RHOU: variants seen among roughly 807,000 people sequenced by gnomAD.
RHOU encodes ras homolog family member U.
A neutral mutation model predicts 12.6 loss-of-function variants in RHOU; 8 were observed. That is an observed-to-expected ratio of 0.64 (90% confidence interval 0.37 to 1.15). The LOEUF is 1.15. RHOU is among the 50% of genes most tolerant of loss of function. The pLI is 0.01. For missense variants in RHOU, 258 were observed against 347.0 expected (o/e 0.74, Z 2.04); for synonymous variants, 161 against 147.4 (o/e 1.09, Z -0.67).
the RHOU span, among the ~76,000 whole-genome samples, chr1:228,717,656 C>T: frequency 6.6e-6 from 1 of 152,208 alleles, no homozygotes; most frequent in Non-Finnish European, 1.5e-5. Context: ...TGCTCTCTGA[C>T]ATCTTGATGT....
the RHOU span, among the ~76,000 whole-genome samples, chr1:228,718,122 C>G: frequency 1.4e-3 from 212 of 152,218 alleles, 2 homozygotes; most frequent in African/African-American, 4.8e-3. Context: ...ATAATGAGAA[C>G]CTGGGGAGGT....
the RHOU span, among the ~76,000 whole-genome samples, chr1:228,664,092 C>T: frequency 6.6e-6 from 1 of 150,792 alleles, no homozygotes; most frequent in African/African-American, 2.4e-5. Context: ...TATCACGGCT[C>T]ACTGCAGTCT....
At chr1:228,689,688 G>A in the RHOU span, among the ~76,000 whole-genome samples, 1 of 151,934 alleles carries the variant, frequency 6.6e-6, no homozygotes, top group East Asian at 1.9e-4. Flanking sequence ...AGTCTCACAG[G>A]AGCTCAAACC....
chr1:228,650,862 G>A, the RHOU span: 19 of 398,414 alleles, frequency 4.8e-5, no homozygotes, highest in Admixed American at 6.4e-4. Context: ...GTCCCCTTGT[G>A]GACCTGGCTG....
chr1:228,655,919 A>G, the RHOU span, among the ~76,000 whole-genome samples: 1 of 152,224 alleles, frequency 6.6e-6, no homozygotes, highest in African/African-American at 2.4e-5. Context: ...CTCTGCAAAA[A>G]CTACAAACTT....
At chr1:228,679,682 A>C in the RHOU span, among the ~76,000 whole-genome samples, 1 of 152,042 alleles carries the variant, frequency 6.6e-6, no homozygotes, top group Non-Finnish European at 1.5e-5. Context: ...ATAAGTGATA[A>C]CAGGCTTTAA....
chr1:228,658,475 C>T, the RHOU span, among the ~76,000 whole-genome samples: 1 of 152,090 alleles, frequency 6.6e-6, no homozygotes, highest in Non-Finnish European at 1.5e-5. Context: ...AACGTTGTGA[C>T]ATCTTGGAAG....
upstream of RHOU, among the ~76,000 whole-genome samples, chr1:228,733,045 G>C (rs542395241): frequency 6.6e-6 from 1 of 152,228 alleles, no homozygotes; most frequent in East Asian, 1.9e-4. Flanking sequence ...CTTCAGTTTT[G>C]TAAGATATTT....
At chr1:228,667,592 C>A in the RHOU span, among the ~76,000 whole-genome samples, 1 of 152,156 alleles carries the variant, frequency 6.6e-6, no homozygotes, top group Non-Finnish European at 1.5e-5. Flanking sequence ...CTCTCTCTGG[C>A]CTGTATCTCC....
At chr1:228,674,722 CT>C in the RHOU span, among the ~76,000 whole-genome samples, 4,938 of 151,172 alleles carry the variant, frequency 0.033, 219 homozygotes, top group African/African-American at 0.1. Flanking sequence ...ATATTATATT[CT>C]TTTTTTTAAA....
upstream of RHOU, among the ~76,000 whole-genome samples, chr1:228,730,593 C>G (rs113428851): frequency 6.6e-6 from 1 of 152,194 alleles, no homozygotes; most frequent in Non-Finnish European, 1.5e-5. Context: ...GAAGGAAATT[C>G]TGGGAGCAGA....
At chr1:228,690,838 G>A in the RHOU span, among the ~76,000 whole-genome samples, 4 of 151,662 alleles carry the variant, frequency 2.6e-5, no homozygotes, top group African/African-American at 7.3e-5. Context: ...GGCTGGTCTC[G>A]AACTCTTGAC....
the RHOU span, chr1:228,650,084 A>C: frequency 4.9e-6 from 2 of 411,536 alleles, no homozygotes; most frequent in African/African-American, 4.2e-5. Context: ...TCAGATTCAT[A>C]GAAAGAACTC....
chr1:228,737,526 G>GT lies in RHOU; in HGVS notation c.263-142dup. ...AAAAATGCCTCCACAGGGCCTCCTT[G>GT]TTTTTGGCTAGTCTTTAATTCATTA... On this transcript the variant is annotated intron_variant, in intron 1 of 2. Transcript: ENST00000366691. This position sits in a 1 kb window ranked among gnomAD's most constrained non-coding sequence, Gnocchi z 4.1. 1 of 778,154 alleles carries GT rather than the reference G, an allele frequency of 1.3e-6. No individual in the cohort carries two copies. Among genetic ancestry groups the GT allele is most frequent in the African/African-American group, 1.7e-5 (1 of 58,028 alleles). 48.2% of individuals were successfully genotyped at this position (778,154 alleles called of 1,614,324 possible). A position where few individuals can be genotyped will look rare whatever the true frequency, so the allele number is the denominator to read the frequency against.
the RHOU span, among the ~76,000 whole-genome samples, chr1:228,681,374 G>A: frequency 3.3e-5 from 5 of 152,188 alleles, no homozygotes; most frequent in South Asian, 4.1e-4. Context: ...GGCGGGGAGC[G>A]AGCTGAGGAG....
intron 2 of RHOU, among the ~76,000 whole-genome samples, chr1:228,742,986 T>G (rs139883430): frequency 6.6e-6 from 1 of 152,308 alleles, no homozygotes; most frequent in African/African-American, 2.4e-5. Context: ...CCACCTACTT[T>G]GAGCACTTTT....
At position 228,745,211 on chromosome 1, in the gene RHOU, AAGGT is replaced by A. The variant is rs1662803290; in HGVS notation, c.*1472_*1475del. 2 of 152,298 alleles carry A rather than the reference AAGGT, an allele frequency of 1.3e-5. No homozygotes were observed. The highest frequency in any genetic ancestry group is 3.4e-3 in the Middle Eastern group (1 of 294). 9.4% of individuals were successfully genotyped at this position (152,298 alleles called of 1,614,324 possible). On this transcript the variant is annotated 3_prime_UTR_variant, in exon 3 of 3. Transcript: ENST00000366691. ...GTTAGGGCTGAATCTTCTGGAGAAA[AAGGT>A]GCCATCTCAGGAGAATAGCTTTTAC...
At chr1:228,646,998 G>A in the RHOU span, among the ~76,000 whole-genome samples, 2 of 149,622 alleles carry the variant, frequency 1.3e-5, no homozygotes, top group Non-Finnish European at 3.0e-5. Flanking sequence ...GAAGGCTAGA[G>A]AAATAACGCG....
chr1:228,710,339 C>T, the RHOU span, among the ~76,000 whole-genome samples: 31 of 152,158 alleles, frequency 2.0e-4, no homozygotes, highest in African/African-American at 4.6e-4. Context: ...ATACCAAAGC[C>T]GGGCAGAGAC....
Sources: allele counts gnomAD v4.1 joint callset (sites outside exome capture counted in the v4.1 genomes callset), GRCh38; gene constraint gnomAD v4.1.1; non-coding constraint Gnocchi (gnomAD v3.1); transcripts MANE v1.5; gene names NCBI Gene and HGNC (gene_info 2026-07-23, HGNC 2026-07-21).